Variants in BCKDHB observed in about 807,000 individuals in gnomAD.
The protein encoded by BCKDHB is 2-oxoisovalerate dehydrogenase subunit beta, mitochondrial.
In BCKDHB, 41 loss-of-function variants were observed where a neutral mutation model predicts 48.5. The ratio of observed to expected loss-of-function variants is 0.85; its 90% CI spans 0.66 to 1.10. The LOEUF is 1.10. BCKDHB is among the 50% of genes least tolerant of loss of function. The probability of loss-of-function intolerance (pLI) is 0.00; values close to 1 mark genes in which losing one functional copy is unlikely to be tolerated. For missense variants in BCKDHB, 496 were observed against 494.2 expected (o/e 1.00, Z -0.03); for synonymous variants, 201 against 174.8 (o/e 1.15, Z -1.18).
intron 9 of BCKDHB, among the ~76,000 whole-genome samples, chr6:80,319,261 A>C (rs1768594155): frequency 6.6e-6 from 1 of 151,946 alleles, no homozygotes; most frequent in African/African-American, 2.4e-5. Flanking sequence ...ATACTGGCTG[A>C]CTCTTTAGGT....
the BCKDHB span, among the ~76,000 whole-genome samples, chr6:80,429,231 G>C: frequency 6.6e-6 from 1 of 152,094 alleles, no homozygotes; most frequent in South Asian, 2.1e-4. Flanking sequence ...GTTGGTCTAT[G>C]TATCTGTTTT....
intron 9 of BCKDHB, among the ~76,000 whole-genome samples, chr6:80,316,154 T>A (rs1266789023): frequency 6.6e-6 from 1 of 152,224 alleles, no homozygotes; most frequent in African/African-American, 2.4e-5. Context: ...GGCAGTACAG[T>A]GTCAAGTTTA....
At chr6:80,111,951 G>C (rs890371055) in intron 1 of BCKDHB, among the ~76,000 whole-genome samples, 1 of 152,084 alleles carries the variant, frequency 6.6e-6, no homozygotes, top group Non-Finnish European at 1.5e-5. Flanking sequence ...AATTCCACCA[G>C]TATCACCATA....
chr6:80,193,460 T>C (rs1424652451), intron 6 of BCKDHB, among the ~76,000 whole-genome samples: 3 of 152,150 alleles, frequency 2.0e-5, no homozygotes, highest in Non-Finnish European at 4.4e-5. Context: ...GGCTCACGCC[T>C]GTAATCCCAG....
At chr6:80,248,461 A>T (rs1776702765) in intron 8 of BCKDHB, among the ~76,000 whole-genome samples, 2 of 152,282 alleles carry the variant, frequency 1.3e-5, no homozygotes, top group African/African-American at 4.8e-5. Context: ...AAAAAAGATT[A>T]ATTCACTCAG....
intron 8 of BCKDHB, among the ~76,000 whole-genome samples, chr6:80,211,192 A>G (rs1309402304): frequency 1.3e-5 from 2 of 152,206 alleles, no homozygotes; most frequent in African/African-American, 2.4e-5. Context: ...TCACATATCT[A>G]TAGAGAAGAA....
chr6:80,360,510 G>A, the BCKDHB span, among the ~76,000 whole-genome samples: 33 of 152,248 alleles, frequency 2.2e-4, no homozygotes, highest in Non-Finnish European at 2.8e-4. Flanking sequence ...AGTGATCTCC[G>A]AATGTAATCT....
At chr6:80,458,178 T>G in the BCKDHB span, among the ~76,000 whole-genome samples, 2 of 152,298 alleles carry the variant, frequency 1.3e-5, no homozygotes, top group African/African-American at 2.4e-5. Context: ...AGGACTATTT[T>G]GCCAGTCATC....
intron 8 of BCKDHB, among the ~76,000 whole-genome samples, chr6:80,251,941 T>C (rs1308474942): frequency 1.3e-5 from 2 of 152,150 alleles, no homozygotes; most frequent in Non-Finnish European, 2.9e-5. Flanking sequence ...TATAAACAAA[T>C]GGAGAATATG....
At chr6:80,361,034 A>T in the BCKDHB span, among the ~76,000 whole-genome samples, 2 of 151,860 alleles carry the variant, frequency 1.3e-5, no homozygotes, top group Admixed American at 6.6e-5. Flanking sequence ...AAATGAAAAA[A>T]AATTAGAAAG....
intron 8 of BCKDHB, among the ~76,000 whole-genome samples, chr6:80,263,883 T>A (rs1302761901): frequency 6.6e-6 from 1 of 152,128 alleles, no homozygotes; most frequent in African/African-American, 2.4e-5. Flanking sequence ...TTAGAACTGT[T>A]ATGATGGCCA....
chr6:80,142,995 A>G (rs893207262), intron 3 of BCKDHB, among the ~76,000 whole-genome samples: 4 of 152,164 alleles, frequency 2.6e-5, no homozygotes, highest in Admixed American at 2.6e-4. Flanking sequence ...AGTGAAGAGT[A>G]TCAATAAATA....
chr6:80,251,927 CTAATA>C (rs1776855132), intron 8 of BCKDHB: 1 of 152,142 alleles, frequency 6.6e-6, no homozygotes, highest in Admixed American at 6.6e-5. Flanking sequence ...CATTTAAAAA[CTAATA>C]TAAACAAATG....
At chr6:80,202,785 C>T (rs1242124535) in intron 7 of BCKDHB, among the ~76,000 whole-genome samples, 1 of 145,540 alleles carries the variant, frequency 6.9e-6, no homozygotes, top group Non-Finnish European at 1.5e-5. Flanking sequence ...TGATTTTTAC[C>T]CTTTACTTCT....
In BCKDHB at chr6:80,149,942, A is replaced by G. The variant is rs974352851; in HGVS notation, c.344-17736A>G. 3.3e-5 allele frequency among the ~76,000 whole-genome samples: 5 copies of G among 151,778 alleles called. No homozygotes were observed. The East Asian group carries it at 5.8e-4, about 18-fold the overall frequency. On this transcript the variant is annotated intron_variant, in intron 3 of 9. Transcript: ENST00000320393. ...ATATATACATATGTAACTAACCTGC[A>G]CATTGTGCACATGTACCCTAAAACT... is the stretch of plus-strand genomic sequence containing the variant.
At chr6:80,398,898 C>T in the BCKDHB span, among the ~76,000 whole-genome samples, 15 of 152,056 alleles carry the variant, frequency 9.9e-5, no homozygotes, top group South Asian at 4.1e-4. Context: ...TTATCCACCA[C>T]GATCAAGTAG....
At chr6:80,427,700 A>C in the BCKDHB span, among the ~76,000 whole-genome samples, 2 of 152,122 alleles carry the variant, frequency 1.3e-5, no homozygotes, top group African/African-American at 4.8e-5. Context: ...TCTTTATTAA[A>C]TCTTCATTTG....
chr6:80,412,844 C>T, the BCKDHB span, among the ~76,000 whole-genome samples: 1 of 152,166 alleles, frequency 6.6e-6, no homozygotes, highest in African/African-American at 2.4e-5. Context: ...TGTAATCTAA[C>T]TTTCTCCTGA....
At chr6:80,356,819 C>G in the BCKDHB span, 1 of 151,950 alleles carries the variant, frequency 6.6e-6, no homozygotes, top group Non-Finnish European at 1.5e-5. Flanking sequence ...ACTGCAAGAA[C>G]CTGGAATCAA....
Sources: allele counts gnomAD v4.1 joint callset (sites outside exome capture counted in the v4.1 genomes callset), GRCh38; gene constraint gnomAD v4.1.1; transcripts MANE v1.5; gene names NCBI Gene and HGNC (gene_info 2026-07-23, HGNC 2026-07-21).